Variants in NCR1 observed in about 807,000 individuals in gnomAD.
NCR1 encodes natural cytotoxicity triggering receptor 1.
A neutral mutation model predicts 32.5 loss-of-function variants in NCR1; 30 were observed. The ratio of observed to expected loss-of-function variants is 0.92; its 90% confidence interval spans 0.69 to 1.25. The LOEUF (loss-of-function observed/expected upper bound fraction) is 1.25, where lower values mean the gene tolerates loss of function less well. Among genes scored for constraint, NCR1 ranks in the 50% most tolerant of loss-of-function variants. The probability of loss-of-function intolerance (pLI) is 0.00; values close to 1 mark genes in which losing one functional copy is unlikely to be tolerated. For synonymous variants in NCR1, 169 were observed against 143.4 expected (o/e 1.18, Z -1.28); for missense variants, 369 against 380.7 (o/e 0.97, Z 0.26).
At chr19:54,928,626 T>C in the NCR1 span, among the ~76,000 whole-genome samples, 1 of 152,224 alleles carries the variant, frequency 6.6e-6, no homozygotes, top group Admixed American at 6.6e-5. Context: ...TTAAGTCCTC[T>C]TTTGGAAAGT....
chr19:54,903,385 T>TACGCTC (rs1569535571), upstream of NCR1, among the ~76,000 whole-genome samples: 1 of 139,106 alleles, frequency 7.2e-6, no homozygotes, highest in Non-Finnish European at 1.6e-5. Flanking sequence ...CATGTATGTA[T>TACGCTC]ATACATATAT....
intron 5 of NCR1, among the ~76,000 whole-genome samples, chr19:54,911,892 G>A (rs1302236954): frequency 6.6e-6 from 1 of 151,624 alleles, no homozygotes; most frequent in Non-Finnish European, 1.5e-5. Flanking sequence ...TACTCCAGAG[G>A]CTGGAACACA....
the NCR1 span, chr19:54,934,774 A>C: frequency 9.7e-6 from 8 of 821,586 alleles, no homozygotes; most frequent in Non-Finnish European, 1.5e-5. This position sits in a 1 kb window ranked among gnomAD's most constrained non-coding sequence, Gnocchi z 6.7. Flanking sequence ...CAAAGGCGTG[A>C]TCTCACCTCA....
At chr19:54,918,116 T>C (rs912979909), downstream of NCR1, among the ~76,000 whole-genome samples, 1 of 151,936 alleles carries the variant, frequency 6.6e-6, no homozygotes, top group South Asian at 2.1e-4. Flanking sequence ...TTTGTATTTT[T>C]AGTAGAGACG....
the NCR1 span, among the ~76,000 whole-genome samples, chr19:54,924,125 G>A: frequency 2.0e-5 from 3 of 152,094 alleles, no homozygotes; most frequent in Non-Finnish European, 2.9e-5. Context: ...GCACCACCAC[G>A]CTTGGCTAAG....
In NCR1 at chr19:54,912,931, C is replaced by T. The variant is rs775631870; in HGVS notation, c.*60C>T. On this transcript the variant is annotated 3_prime_UTR_variant, in exon 7 of 7. Transcript: ENST00000291890. Reference sequence around the variant, plus strand: ...TCTGAAAGCTGGTGTTGAGCCTGGGCGGCGTGAGCTCTGTGTTGGACCCAC... The same window carrying T: ...TCTGAAAGCTGGTGTTGAGCCTGGGTGGCGTGAGCTCTGTGTTGGACCCAC... The T allele has an allele frequency of 1.2e-4, 181 of 1,542,130 alleles. No individual in the cohort carries two copies. Among genetic ancestry groups the T allele is most frequent in the Middle Eastern group, 1.7e-4 (1 of 5,872 alleles).
chr19:54,934,669 G>C, the NCR1 span: 1 of 1,610,656 alleles, frequency 6.2e-7, no homozygotes, highest in Admixed American at 1.7e-5. The surrounding 1 kb of genome is among the most constrained non-coding windows in gnomAD (Gnocchi z 6.7). Context: ...CCTGTGAAAA[G>C]AGTGGGAAAA....
chr19:54,928,951 G>C, the NCR1 span, among the ~76,000 whole-genome samples: 1 of 152,140 alleles, frequency 6.6e-6, no homozygotes, highest in South Asian at 2.1e-4. Context: ...TACAGTCATA[G>C]CTGAGATTAC....
At chr19:54,913,538 A>G (rs2068070335), downstream of NCR1, among the ~76,000 whole-genome samples, 1 of 152,150 alleles carries the variant, frequency 6.6e-6, no homozygotes, top group Non-Finnish European at 1.5e-5. Context: ...CTTTCTCTGC[A>G]GGAAGCCATT....
chr19:54,934,320 G>A, the NCR1 span, among the ~76,000 whole-genome samples: 2 of 152,048 alleles, frequency 1.3e-5, no homozygotes, highest in South Asian at 2.1e-4. The surrounding 1 kb of genome is among the most constrained non-coding windows in gnomAD (Gnocchi z 6.7). Flanking sequence ...CAGATGATCC[G>A]CCCACCTCTC....
chr19:54,905,105 T>A (rs1258615541), upstream of NCR1, among the ~76,000 whole-genome samples: 7 of 152,192 alleles, frequency 4.6e-5, no homozygotes, highest in Non-Finnish European at 7.3e-5. Context: ...TACCCAGCGA[T>A]GGGATTGCTG....
downstream of NCR1, among the ~76,000 whole-genome samples, chr19:54,915,316 C>A (rs540005372): frequency 6.6e-6 from 1 of 152,224 alleles, no homozygotes; most frequent in South Asian, 2.1e-4. Context: ...TGGACACCAC[C>A]ATCGCTTTCC....
At chr19:54,921,258 G>C in the NCR1 span, among the ~76,000 whole-genome samples, 1 of 151,962 alleles carries the variant, frequency 6.6e-6, no homozygotes. Context: ...CCTTCCCATC[G>C]GTGTGAGCTG....
At chr19:54,898,923 G>C in the NCR1 span, among the ~76,000 whole-genome samples, 3 of 152,104 alleles carry the variant, frequency 2.0e-5, no homozygotes, top group African/African-American at 7.2e-5. Context: ...AAGGATTATA[G>C]GGTGGAGGAG....
chr19:54,934,450 G>T, the NCR1 span: 1 of 1,608,256 alleles, frequency 6.2e-7, no homozygotes, highest in Non-Finnish European at 8.5e-7. The surrounding 1 kb of genome is among the most constrained non-coding windows in gnomAD (Gnocchi z 6.7). Flanking sequence ...TATAGCCCCA[G>T]AACTAAACCA....
the NCR1 span, chr19:54,930,385 C>G: frequency 1.3e-6 from 1 of 745,460 alleles, no homozygotes; most frequent in Non-Finnish European, 2.3e-6. Context: ...CCGATCAAGC[C>G]TGGAAGACCG....
chr19:54,921,087 G>A (rs569534846), downstream of NCR1, among the ~76,000 whole-genome samples: 2 of 152,280 alleles, frequency 1.3e-5, no homozygotes, highest in African/African-American at 2.4e-5. Context: ...AGCAGAGTCC[G>A]ACCCAGATGT....
the NCR1 span, chr19:54,934,708 C>A: frequency 4.7e-6 from 7 of 1,484,094 alleles, no homozygotes; most frequent in African/African-American, 8.5e-5. This position sits in a 1 kb window ranked among gnomAD's most constrained non-coding sequence, Gnocchi z 6.7. Context: ...CAGAGTATAC[C>A]CTATCAGCTT....
At chr19:54,938,126 T>C in the NCR1 span, 10 of 1,613,876 alleles carry the variant, frequency 6.2e-6, no homozygotes, top group Non-Finnish European at 8.5e-6. Context: ...AAGCTTTGTT[T>C]CACTTCCAGA....
Sources: gnomAD v4.1 joint callset for allele counts (sites outside exome capture counted in the v4.1 genomes callset) on GRCh38, gnomAD v4.1.1 for gene constraint, Gnocchi (gnomAD v3.1) non-coding constraint, MANE v1.5 for transcripts, NCBI Gene and HGNC (gene_info 2026-07-23, HGNC 2026-07-21) for gene names.